The following SGO2 variants were observed in gnomAD, a reference collection of about 807,000 sequenced individuals.
The protein encoded by SGO2 is shugoshin 2.
In SGO2, 68 loss-of-function variants were observed where a neutral mutation model predicts 99.5. The ratio of observed to expected loss-of-function variants is 0.68; its 90% CI spans 0.56 to 0.84. The LOEUF (loss-of-function observed/expected upper bound fraction) is 0.84. Among genes scored for constraint, SGO2 ranks in the 40% least tolerant of loss-of-function variants. The pLI is 0.00. For missense variants in SGO2, 1,350 were observed against 1,436.7 expected (o/e 0.94, Z 0.97); for synonymous variants, 457 against 487.1 (o/e 0.94, Z 0.81).
rs1173463727 is a variant in SGO2, at chr2:200,578,177, T to TAGATATAGATAC, written c.3782+2723_3782+2724insGATACAGATATA. On this transcript the variant is annotated intron_variant, in intron 8 of 8. Coordinates refer to ENST00000357799, the MANE Select transcript of SGO2 (RefSeq NM_152524.6). ...ATAGATATAGATATAGATATAGATATAGATATATATCGTGGGTATCTCTTT... is the reference window on the plus strand; with the variant it reads ...ATAGATATAGATATAGATATAGATATAGATATAGATACAGATATATATCGTGGGTATCTCTTT... Among the ~76,000 whole-genome samples the TAGATATAGATAC allele has an allele frequency of 4.6e-5, 7 of 151,934 alleles. No homozygotes were observed. The East Asian group carries it at 1.3e-3, about 29-fold the overall frequency.
In SGO2 at chr2:200,570,510, G is replaced by GTGTGT. The variant is rs397987331; in HGVS notation, c.704-540_704-539insTGTGT. ...TGTGTGTGTGTGTGTGTGTGTGTGTGGGCATATGTATATGTATATAATATA... is the reference window on the plus strand; with the variant it reads ...TGTGTGTGTGTGTGTGTGTGTGTGTGTGTGTGGCATATGTATATGTATATAATATA... On this transcript the variant is annotated intron_variant, in intron 6 of 8. Transcript: ENST00000357799. The surrounding 1 kb of genome is among the most constrained non-coding windows in gnomAD (Gnocchi z 4.4). Among the ~76,000 whole-genome samples the GTGTGT allele has an allele frequency of 3.4e-5, 5 of 148,372 alleles. No individual in the cohort carries two copies. The highest frequency in any genetic ancestry group is 7.5e-5 in the African/African-American group (3 of 40,178).
At position 200,556,866 on chromosome 2, in the gene SGO2, GGAGA is replaced by G. The variant is rs142775441; in HGVS notation, c.474-12786_474-12783del. On this transcript the variant is annotated intron_variant, in intron 5 of 8. Coordinates refer to ENST00000357799, the MANE Select transcript of SGO2 (RefSeq NM_152524.6). ...GACAGAGACAGAGAGACAGAGAGAG[GGAGA>G]GAGAGAGAGATTGCCTGTGGCAAAG... 2.6e-5 allele frequency among the ~76,000 whole-genome samples: 4 copies of G among 151,958 alleles called. No homozygotes were observed. The South Asian group carries it at 8.3e-4, about 32-fold the overall frequency.
In SGO2 at chr2:200,573,572, A is replaced by G. The variant is rs772951820; in HGVS notation, c.3226A>G (p.Thr1076Ala). Residue 1076 changes from threonine to alanine, a missense_variant, in exon 7 of 9, where the codon ACA (threonine) becomes GCA (alanine). Physicochemically the swap from Thr to Ala is moderately conservative, Grantham distance 58 (BLOSUM62 0). Coordinates refer to ENST00000357799, the MANE Select transcript of SGO2 (RefSeq NM_152524.6). ...ECQVKKVNKM[T>A]SKSKKRKTSI... is the part of the protein sequence containing the mutation. The stretch of plus-strand genomic sequence containing the variant: ...TCAGGTTAAAAAGGTAAATAAAATG[A>G]CATCTAAGTCAAAGAAAAGGAAGAC... 6.2e-7 allele frequency: 1 copy of G among 1,605,366 alleles called. No individual in the cohort carries two copies. The highest frequency in any genetic ancestry group is 8.5e-7 in the Non-Finnish European group (1 of 1,177,660).
chr2:200,552,892 C>A lies in SGO2; in HGVS notation c.473+10228C>A, dbSNP rs372837875. ...CCAGAAGGTCTCAGCCTTATTTTACCCATCCCCTGTTCAAGACGGAGTTGC... is the reference window on the plus strand; with the variant it reads ...CCAGAAGGTCTCAGCCTTATTTTACACATCCCCTGTTCAAGACGGAGTTGC... On this transcript the variant is annotated intron_variant, in intron 5 of 8. Coordinates refer to ENST00000357799, the MANE Select transcript of SGO2 (RefSeq NM_152524.6). 1.5e-3 allele frequency among the ~76,000 whole-genome samples: 231 copies of A among 152,142 alleles called. 1 individual carries two copies. Among genetic ancestry groups the A allele is most frequent in the African/African-American group, 5.2e-3 (217 of 41,502 alleles).
At chr2:200,550,105 C>T (rs2577283) in intron 5 of SGO2, among the ~76,000 whole-genome samples, 1 of 151,848 alleles carries the variant, frequency 6.6e-6, no homozygotes, top group South Asian at 2.1e-4. Flanking sequence ...CATTTATCAT[C>T]GCTACAAAAA....
At chr2:200,564,236 G>GT (rs2033095999) in intron 5 of SGO2, among the ~76,000 whole-genome samples, 1 of 152,164 alleles carries the variant, frequency 6.6e-6, no homozygotes, top group Admixed American at 6.5e-5. Context: ...CTTTAAATGT[G>GT]TCCCAGAGAT....
chr2:200,550,686 C>G (rs1320786757), intron 5 of SGO2, among the ~76,000 whole-genome samples: 3 of 152,068 alleles, frequency 2.0e-5, no homozygotes, highest in African/African-American at 7.2e-5. Flanking sequence ...AAAATCAAAT[C>G]AAAATGGATA....
At chr2:200,565,447 G>T (rs567009685) in intron 5 of SGO2, among the ~76,000 whole-genome samples, 1 of 152,322 alleles carries the variant, frequency 6.6e-6, no homozygotes, top group Admixed American at 6.5e-5. Flanking sequence ...AGTCTAATGG[G>T]CTTCCCTTTG....
chr2:200,533,668 C>G (rs542573849), intron 2 of SGO2, among the ~76,000 whole-genome samples: 1 of 151,962 alleles, frequency 6.6e-6, no homozygotes, highest in South Asian at 2.1e-4. Context: ...GGGAAAACTC[C>G]CCAAGATAAA....
chr2:200,574,495 A>C (rs2033579928), intron 7 of SGO2, among the ~76,000 whole-genome samples: 1 of 152,082 alleles, frequency 6.6e-6, no homozygotes, highest in South Asian at 2.1e-4. Context: ...GGTGAAATGG[A>C]ATAAACGATT....
chr2:200,573,914 G>A lies in SGO2; in HGVS notation c.3568G>A (p.Glu1190Lys). 21 of 1,607,602 alleles carry A rather than the reference G, an allele frequency of 1.3e-5. No homozygotes were observed. Among genetic ancestry groups the A allele is most frequent in the Non-Finnish European group, 1.8e-5 (21 of 1,178,240 alleles). ...CSPAFQVSDD[E>K]HEKMNKMKFK... ...CCCAGCCTTTCAAGTAAGTGATGAT[G>A]AGCATGAGAAGATGAACAAGATGAA... Residue 1190 changes from glutamate to lysine, a missense_variant, in exon 7 of 9, where the codon GAG becomes AAG. Glu to Lys is a moderately conservative substitution (Grantham distance 56). Transcript: ENST00000357799.
intron 4 of SGO2, among the ~76,000 whole-genome samples, chr2:200,538,436 C>T (rs998787758): frequency 6.6e-6 from 1 of 152,140 alleles, no homozygotes; most frequent in Non-Finnish European, 1.5e-5. Context: ...TTAAACACTC[C>T]TCACCCCTGC....
intron 1 of SGO2, among the ~76,000 whole-genome samples, chr2:200,529,499 T>TGTTTC (rs1380124432): frequency 2.9e-5 from 4 of 139,670 alleles, no homozygotes; most frequent in Non-Finnish European, 4.9e-5. Context: ...GCTACAGTTT[T>TGTTTC]GTTTCGTTTT....
At chr2:200,558,591 A>G (rs994978671) in intron 5 of SGO2, among the ~76,000 whole-genome samples, 18 of 152,084 alleles carry the variant, frequency 1.2e-4, no homozygotes, top group Non-Finnish European at 2.1e-4. Context: ...ACATCATTGT[A>G]TGTTGATGAA....
chr2:200,576,134 A>G (rs2033650879), intron 8 of SGO2: 1 of 362,548 alleles, frequency 2.8e-6, no homozygotes, highest in South Asian at 2.1e-5. Context: ...TCTCATGGGT[A>G]TTTTAAAGCA....
intron 5 of SGO2, among the ~76,000 whole-genome samples, chr2:200,547,292 T>A (rs191187924): frequency 4.6e-5 from 7 of 152,186 alleles, no homozygotes; most frequent in South Asian, 2.1e-4. Flanking sequence ...CGAATTGTCA[T>A]GCAAATTTAA....
intron 5 of SGO2, among the ~76,000 whole-genome samples, chr2:200,560,378 T>C (rs117502002): frequency 6.6e-6 from 1 of 152,102 alleles, no homozygotes; most frequent in East Asian, 1.9e-4. Context: ...GTGAATCAGG[T>C]GTCATTTTAT....
intron 1 of SGO2, among the ~76,000 whole-genome samples, chr2:200,529,925 G>A (rs1157149377): frequency 6.6e-6 from 1 of 152,212 alleles, no homozygotes; most frequent in South Asian, 2.1e-4. Context: ...GGAGGAAGAT[G>A]TTTCTAAACA....
At chr2:200,559,904 G>C (rs1402394227) in intron 5 of SGO2, among the ~76,000 whole-genome samples, 4 of 152,108 alleles carry the variant, frequency 2.6e-5, no homozygotes, top group African/African-American at 9.7e-5. Flanking sequence ...AGGGACTATA[G>C]TTAAAATGAA....
Sources: gnomAD v4.1 joint callset for allele counts (sites outside exome capture counted in the v4.1 genomes callset) on GRCh38, gnomAD v4.1.1 for gene constraint, Gnocchi (gnomAD v3.1) non-coding constraint, MANE v1.5 for transcripts, NCBI Gene and HGNC (gene_info 2026-07-23, HGNC 2026-07-21) for gene names.